Variants in AMZ1 observed in about 807,000 individuals in gnomAD.
AMZ1 encodes the protein archaelysin family metallopeptidase 1.
In AMZ1, 39 loss-of-function variants were observed where a neutral mutation model predicts 29.9. The observed-to-expected ratio is 1.30, with a 90% CI of 1.01 to 1.70. The LOEUF (loss-of-function observed/expected upper bound fraction) is 1.70, where lower values mean the gene tolerates loss of function less well. AMZ1 is among the 40% of genes most tolerant of loss of function. The pLI is 0.00. For synonymous variants in AMZ1, 458 were observed against 304.0 expected, an observed-to-expected ratio of 1.51 and a Z score of -5.27; for missense variants, 1,041 against 680.6, an observed-to-expected ratio of 1.53 and a Z score of -5.89.
chr7:2,689,373 G>GGGT (rs1004543878), intron 1 of AMZ1, among the ~76,000 whole-genome samples: 2 of 152,074 alleles, frequency 1.3e-5, no homozygotes, highest in Admixed American at 6.6e-5. Flanking sequence ...ACCTCCCTGG[G>GGGT]GGGGGGATGC....
intron 4 of AMZ1, among the ~76,000 whole-genome samples, chr7:2,733,819 G>T (rs1019186784): frequency 2.6e-5 from 4 of 152,212 alleles, no homozygotes; most frequent in African/African-American, 9.6e-5. Flanking sequence ...ATGAAGGCTG[G>T]CCCACTCCTG....
At chr7:2,740,432 G>C (rs573419177) in intron 4 of AMZ1, among the ~76,000 whole-genome samples, 1 of 152,262 alleles carries the variant, frequency 6.6e-6, no homozygotes, top group South Asian at 2.1e-4. Flanking sequence ...GAAGCTGGCC[G>C]TCTGCAAGCG....
chr7:2,684,553 AG>A (rs1429489582), upstream of AMZ1, among the ~76,000 whole-genome samples: 1 of 152,224 alleles, frequency 6.6e-6, no homozygotes, highest in Non-Finnish European at 1.5e-5. Context: ...CTGAAAGGAC[AG>A]GGGTCCCCAT....
rs187196849 is a variant in AMZ1, at chr7:2,734,926, G to A, written n.550+25110G>A. On this transcript the variant is annotated intron_variant and non_coding_transcript_variant, in intron 4 of 4. Coordinates refer to the AMZ1 transcript ENST00000489665. ...AGGGTGAACGTACCCCAAGGGCCCG[G>A]CACGACTGACCTCTCGTGCCTGCTC... Among the ~76,000 whole-genome samples, 49 of 152,264 alleles carry A rather than the reference G, an allele frequency of 3.2e-4. No homozygotes were observed. The East Asian group carries it at 8.5e-3, about 26-fold the overall frequency.
intron 3 of AMZ1, 95 bp downstream of exon 3, chr7:2,702,984 T>C: frequency 1.4e-6 from 2 of 1,421,292 alleles, no homozygotes; most frequent in Non-Finnish European, 1.9e-6. Flanking sequence ...AGGGAACCTT[T>C]TCTTCCTTTT....
chr7:2,712,858 T>G lies in AMZ1; in HGVS notation c.1477T>G (p.Trp493Gly). The G allele has an allele frequency of 6.6e-7, 1 of 1,523,600 alleles. No homozygotes were observed. Among genetic ancestry groups the G allele is most frequent in the Non-Finnish European group, 8.8e-7 (1 of 1,135,594 alleles). The allele number at this position is 1,523,600 out of a possible 1,614,324, so 94.4% of individuals were successfully genotyped here. A position where few individuals can be genotyped will look rare whatever the true frequency, so the allele number is the denominator to read the frequency against. The part of the protein sequence containing the change: ...LARAESAPRP[W>G]DGEES ...CAGAGCAGAGTCGGCCCCCCGTCCC[T>G]GGGATGGGGAAGAGAGTTAGTACAG... The change falls in exon 7 of 7, where the codon TGG (tryptophan) becomes GGG (glycine). Residue 493 changes from tryptophan (W) to glycine (G), a missense_variant. Physicochemically the swap from Trp to Gly is radical, Grantham distance 184 (BLOSUM62 -2). Transcript: ENST00000683327.
chr7:2,736,230 C>T (rs568743654), intron 4 of AMZ1, among the ~76,000 whole-genome samples: 1 of 152,274 alleles, frequency 6.6e-6, no homozygotes, highest in African/African-American at 2.4e-5. Flanking sequence ...GGCACTGTGC[C>T]TGCCAAGACG....
intron 4 of AMZ1, 29 bp downstream of exon 4, chr7:2,708,745 G>T (rs201423636): frequency 6.2e-6 from 10 of 1,610,908 alleles, no homozygotes; most frequent in Admixed American, 3.3e-5. Flanking sequence ...AGCTGTGCGT[G>T]GGGGGTAGCC....
downstream of AMZ1, among the ~76,000 whole-genome samples, chr7:2,720,358 A>G (rs1465826657): frequency 2.6e-5 from 4 of 152,218 alleles, no homozygotes; most frequent in Admixed American, 6.5e-5. Flanking sequence ...GCTGTGACAA[A>G]AAGAGAAAGA....
chr7:2,753,593 G>C (rs181415412), intron 4 of AMZ1, among the ~76,000 whole-genome samples: 504 of 152,216 alleles, frequency 3.3e-3, no homozygotes, highest in Middle Eastern at 0.014. Context: ...TACCAATCTA[G>C]AGACATTTTG....
At chr7:2,684,703 G>A (rs1787003465), upstream of AMZ1, among the ~76,000 whole-genome samples, 1 of 152,130 alleles carries the variant, frequency 6.6e-6, no homozygotes, top group African/African-American at 2.4e-5. Flanking sequence ...GGCTGGCAGG[G>A]GCCAGGTCAT....
chr7:2,736,234 C>G (rs1162147083), intron 4 of AMZ1, among the ~76,000 whole-genome samples: 1 of 152,128 alleles, frequency 6.6e-6, no homozygotes, highest in Non-Finnish European at 1.5e-5. Context: ...CTGTGCCTGC[C>G]AAGACGAGCC....
Position 2,737,274 on chromosome 7 carries a change from G to C in AMZ1, n.551-27438G>C, listed in dbSNP as rs1724918. On this transcript the variant is annotated intron_variant and non_coding_transcript_variant, in intron 4 of 4. Coordinates refer to the AMZ1 transcript ENST00000489665. Reference sequence around the variant, plus strand: ...AGGAGCTATCTCACAGTTTTGTTTTGTTTTTTTTTTTTTTGTTTTTTTTTT... The same window carrying C: ...AGGAGCTATCTCACAGTTTTGTTTTCTTTTTTTTTTTTTTGTTTTTTTTTT... Among the ~76,000 whole-genome samples, 3 of 35,044 alleles carry C rather than the reference G, an allele frequency of 8.6e-5. 1 individual carries two copies. Among genetic ancestry groups the C allele is most frequent in the Non-Finnish European group, 1.8e-4 (3 of 17,034 alleles). The allele number at this position is 35,044 out of a possible 152,430, so 23.0% of individuals were successfully genotyped here. A position where few individuals can be genotyped will look rare whatever the true frequency, so the allele number is the denominator to read the frequency against.
chr7:2,709,804 C>T lies in AMZ1; in HGVS notation c.936C>T (p.Ile312=), dbSNP rs576714230. The T allele has an allele frequency of 4.5e-5, 72 of 1,611,998 alleles. No individual in the cohort carries two copies. The Middle Eastern group carries it at 1.1e-3, about 24-fold the overall frequency. ...KLQHVLGFRL[I]ERYQRLYTWT... ...AGCATGTCCTGGGTTTCAGGCTCAT[C>T]GAGAGGTACCAGGTGAGTGGCTGAG... is the stretch of plus-strand genomic sequence containing the variant. Residue 312 remains isoleucine, a synonymous_variant, in exon 6 of 7, where the codon ATC becomes ATT. Transcript: ENST00000683327.
chr7:2,706,447 G>A (rs1788359409), intron 3 of AMZ1, among the ~76,000 whole-genome samples: 1 of 152,232 alleles, frequency 6.6e-6, no homozygotes, highest in African/African-American at 2.4e-5. Context: ...CAAACTGAGT[G>A]GCTTAGGGAC....
intron 4 of AMZ1, among the ~76,000 whole-genome samples, chr7:2,725,036 G>GC (rs1789563931): frequency 6.6e-6 from 1 of 152,264 alleles, no homozygotes; most frequent in African/African-American, 2.4e-5. Context: ...ACACTAACTT[G>GC]CAGCAGCATC....
chr7:2,759,702 CAGGAT>C (rs1162788580), upstream of AMZ1, among the ~76,000 whole-genome samples: 3 of 152,096 alleles, frequency 2.0e-5, no homozygotes, highest in African/African-American at 7.2e-5. Flanking sequence ...TGTAGTCATA[CAGGAT>C]AGGAGAGAGA....
At chr7:2,747,407 C>T (rs1448921943) in intron 4 of AMZ1, among the ~76,000 whole-genome samples, 2 of 152,166 alleles carry the variant, frequency 1.3e-5, no homozygotes, top group East Asian at 1.9e-4. Flanking sequence ...ATAAACAGAA[C>T]CAAAGACAAA....
chr7:2,701,643 C>T (rs73283147), intron 2 of AMZ1, among the ~76,000 whole-genome samples: 5,294 of 152,292 alleles, frequency 0.035, 278 homozygotes, highest in African/African-American at 0.11. Flanking sequence ...AGACAGCACA[C>T]GGGACGGGGG....
Sources: gnomAD v4.1 joint callset for allele counts (sites outside exome capture counted in the v4.1 genomes callset) on GRCh38, gnomAD v4.1.1 for gene constraint, MANE v1.5 for transcripts, NCBI Gene and HGNC (gene_info 2026-07-23, HGNC 2026-07-21) for gene names.